SEC14L1: variants seen among roughly 807,000 people sequenced by gnomAD.
SEC14L1 encodes SEC14-like protein 1.
In SEC14L1, 48 loss-of-function variants were observed where a neutral mutation model predicts 85.3. The ratio of observed to expected loss-of-function variants is 0.56; its 90% CI spans 0.45 to 0.72. The LOEUF (loss-of-function observed/expected upper bound fraction) is 0.72, where lower values mean the gene tolerates loss of function less well. SEC14L1 is among the 30% of genes least tolerant of loss of function. The pLI, the probability that SEC14L1 is intolerant of heterozygous loss-of-function variation, is 0.00. For synonymous variants in SEC14L1, 391 were observed against 355.5 expected, an observed-to-expected ratio of 1.10 and a Z score of -1.12; for missense variants, 682 against 921.4, an observed-to-expected ratio of 0.74 and a Z score of 3.36.
At position 77,216,861 on chromosome 17, in the gene SEC14L1, C is replaced by T; in HGVS notation, c.*2838C>T. 2.7e-6 allele frequency: 1 copy of T among 366,318 alleles called. No individual in the cohort carries two copies. Among genetic ancestry groups the T allele is most frequent in the Non-Finnish European group, 5.0e-6 (1 of 200,442 alleles). The allele number at this position is 366,318 out of a possible 1,614,324, so 22.7% of individuals were successfully genotyped here. ...GTATGCAGTTTGCATCGTGTTTCTACCTTTAGTACCTTGCCACTCTTTTAA... is the reference window on the plus strand; with the variant it reads ...GTATGCAGTTTGCATCGTGTTTCTATCTTTAGTACCTTGCCACTCTTTTAA... On this transcript the variant is annotated 3_prime_UTR_variant, in exon 17 of 17. Coordinates refer to ENST00000436233, the MANE Select transcript of SEC14L1 (RefSeq NM_001143998.2).
At chr17:77,139,498 ATTT>A (rs34187673), upstream of SEC14L1, among the ~76,000 whole-genome samples, 80 of 132,784 alleles carry the variant, frequency 6.0e-4, no homozygotes, top group African/African-American at 6.5e-4. Context: ...GGTGGATGTG[ATTT>A]TTTTTTTTTT....
Position 77,098,804 on chromosome 17 carries a change from A to T in SEC14L1, c.-136+5457A>T, listed in dbSNP as rs181482928. Among the ~76,000 whole-genome samples the T allele has an allele frequency of 5.3e-5, 8 of 152,272 alleles. No homozygotes were observed. In the East Asian group the frequency reaches 1.5e-3, roughly 29 times the overall value. ...CCTTCCCTGTGCCTTAGCTTCCCTGAACACTACTTCTACACTAGCTCCTTG... is the reference window on the plus strand; with the variant it reads ...CCTTCCCTGTGCCTTAGCTTCCCTGTACACTACTTCTACACTAGCTCCTTG... On this transcript the variant is annotated intron_variant, in intron 3 of 19. Transcript: ENST00000392476.
intron 14 of SEC14L1, among the ~76,000 whole-genome samples, chr17:77,209,708 A>G (rs1221317734): frequency 3.3e-5 from 5 of 152,258 alleles, no homozygotes; most frequent in South Asian, 4.1e-4. Flanking sequence ...TGGAAAGGAA[A>G]TTGGATCTCT....
chr17:77,128,341 C>T (rs1972509588), intron 3 of SEC14L1, among the ~76,000 whole-genome samples: 1 of 152,146 alleles, frequency 6.6e-6, no homozygotes, highest in South Asian at 2.1e-4. Context: ...GGGTGCAGAG[C>T]TGGCAGATGC....
rs541760438 is a variant in SEC14L1, at chr17:77,177,952, G to A, written c.64-12851G>A. On this transcript the variant is annotated intron_variant, in intron 3 of 16. Coordinates refer to ENST00000436233, the MANE Select transcript of SEC14L1 (RefSeq NM_001143998.2). The stretch of plus-strand genomic sequence containing the variant: ...GTCATTGGGGGACAGAGTTGGGGGT[G>A]TCACAGAGCTGTCAAATTAGGTTTG... 8.5e-5 allele frequency among the ~76,000 whole-genome samples: 13 copies of A among 152,076 alleles called. 1 individual carries two copies. The Middle Eastern group carries it at 0.017, about 199-fold the overall frequency.
chr17:77,106,131 C>T (rs746938429), intron 3 of SEC14L1, among the ~76,000 whole-genome samples: 3 of 152,146 alleles, frequency 2.0e-5, no homozygotes, highest in Non-Finnish European at 4.4e-5. Context: ...TGGTGGCTCT[C>T]GCCTGTAATC....
intron 3 of SEC14L1, among the ~76,000 whole-genome samples, chr17:77,188,925 C>T (rs1975394998): frequency 6.6e-6 from 1 of 151,876 alleles, no homozygotes; most frequent in South Asian, 2.1e-4. Flanking sequence ...TCTGTGTGTC[C>T]TCTCAGGTGA....
chr17:77,119,617 G>A (rs1447375108), intron 3 of SEC14L1, among the ~76,000 whole-genome samples: 1 of 152,138 alleles, frequency 6.6e-6, no homozygotes, highest in Non-Finnish European at 1.5e-5. Context: ...TGTATTTGAT[G>A]AAATAATTTA....
At chr17:77,130,694 A>G (rs1972587145) in intron 3 of SEC14L1, among the ~76,000 whole-genome samples, 1 of 152,180 alleles carries the variant, frequency 6.6e-6, no homozygotes, top group Admixed American at 6.5e-5. Context: ...ATCACGGCTC[A>G]CTGCAACCTC....
At chr17:77,172,908 C>G (rs1299646204) in intron 3 of SEC14L1, among the ~76,000 whole-genome samples, 3 of 152,216 alleles carry the variant, frequency 2.0e-5, no homozygotes, top group African/African-American at 7.2e-5. Flanking sequence ...CATTGAGGAT[C>G]TGTGGCCGCA....
chr17:77,165,635 T>G (rs939471180), intron 3 of SEC14L1, among the ~76,000 whole-genome samples: 2 of 152,184 alleles, frequency 1.3e-5, no homozygotes, highest in Admixed American at 1.3e-4. Context: ...AAGGGGAGTG[T>G]TTTATTCCCA....
chr17:77,134,852 G>C (rs1972741869), intron 3 of SEC14L1, among the ~76,000 whole-genome samples: 1 of 152,222 alleles, frequency 6.6e-6, no homozygotes, highest in Admixed American at 6.5e-5. Context: ...CTTCAGCCTT[G>C]TAAAGTGCTG....
intron 3 of SEC14L1, among the ~76,000 whole-genome samples, chr17:77,174,130 A>G (rs1477877636): frequency 6.6e-6 from 1 of 152,078 alleles, no homozygotes; most frequent in Non-Finnish European, 1.5e-5. Flanking sequence ...CATGTTGGCC[A>G]GGCTGGTCTT....
chr17:77,100,734 G>A (rs1971760168), intron 3 of SEC14L1, among the ~76,000 whole-genome samples: 1 of 152,092 alleles, frequency 6.6e-6, no homozygotes, highest in South Asian at 2.1e-4. Context: ...ACCGCGCCCA[G>A]CCTGGGCTTT....
At chr17:77,196,501 T>G (rs149326144) in intron 8 of SEC14L1, among the ~76,000 whole-genome samples, 190 bp downstream of exon 8, 95 of 152,380 alleles carry the variant, frequency 6.2e-4, no homozygotes, top group Admixed American at 1.7e-3. Flanking sequence ...AATGCATGAC[T>G]AACTGCATTT....
intron 10 of SEC14L1, among the ~76,000 whole-genome samples, chr17:77,204,524 T>C (rs965132740): frequency 0.027 from 2,471 of 93,202 alleles, 164 homozygotes; most frequent in African/African-American, 0.085. Flanking sequence ...CCAGCCAGCT[T>C]TTTTTTTTTT....
At chr17:77,132,250 C>T (rs923313557) in intron 3 of SEC14L1, among the ~76,000 whole-genome samples, 2 of 146,186 alleles carry the variant, frequency 1.4e-5, no homozygotes, top group African/African-American at 2.6e-5. Flanking sequence ...TTTTTTGAGC[C>T]GGAGTCTGGC....
intron 3 of SEC14L1, chr17:77,152,428 T>TAGG (rs1973602213): frequency 6.6e-6 from 1 of 151,320 alleles, no homozygotes. Flanking sequence ...CCCAGCTACT[T>TAGG]AGGAGGCTGA....
At chr17:77,124,382 G>A (rs1049684767) in intron 3 of SEC14L1, among the ~76,000 whole-genome samples, 2 of 151,968 alleles carry the variant, frequency 1.3e-5, no homozygotes, top group African/African-American at 4.8e-5. Context: ...AACAAAAACC[G>A]GAAACCACGT....
Sources: allele counts gnomAD v4.1 joint callset (sites outside exome capture counted in the v4.1 genomes callset), GRCh38; gene constraint gnomAD v4.1.1; transcripts MANE v1.5; gene names NCBI Gene and HGNC (gene_info 2026-07-23, HGNC 2026-07-21).